Variants in FAM135A observed in about 807,000 individuals in gnomAD.
FAM135A encodes protein FAM135A.
A neutral mutation model predicts 146.8 loss-of-function variants in FAM135A; 79 were observed. The observed-to-expected ratio is 0.54, with a 90% CI of 0.45 to 0.65. The LOEUF (loss-of-function observed/expected upper bound fraction) is 0.65. FAM135A is among the 30% of genes least tolerant of loss of function. The pLI is 0.00. For missense variants in FAM135A, 1,623 were observed against 1,758.2 expected (o/e 0.92, Z 1.38); for synonymous variants, 562 against 603.6 (o/e 0.93, Z 1.01).
rs528550201 is a variant in FAM135A at position 70,434,210 on chromosome 6, C to T, written c.77+5791C>T. Among the ~76,000 whole-genome samples the T allele has an allele frequency of 2.6e-5, 4 of 152,264 alleles. No homozygotes were observed. The South Asian group carries it at 8.3e-4, about 31-fold the overall frequency. The stretch of plus-strand genomic sequence containing the variant: ...CTCCAAAGGAGAAGGAAATATTGCC[C>T]TTTAAATAGACACAGAAACATTGCT... On this transcript the variant is annotated intron_variant, in intron 4 of 21. Coordinates refer to ENST00000418814, the MANE Select transcript of FAM135A (RefSeq NM_001162529.3).
At chr6:70,426,856 G>A (rs907713910) in intron 3 of FAM135A, 2 of 152,336 alleles carry the variant, frequency 1.3e-5, no homozygotes, top group South Asian at 2.1e-4. Context: ...TTTTTTCCTG[G>A]AGGGAGGCTT....
chr6:70,452,741 C>G (rs919937581), intron 5 of FAM135A, among the ~76,000 whole-genome samples, 170 bp downstream of exon 5: 15 of 152,068 alleles, frequency 9.9e-5, no homozygotes, highest in African/African-American at 3.6e-4. Flanking sequence ...ATTACAGATA[C>G]TCTGTCTCCT....
intron 20 of FAM135A, among the ~76,000 whole-genome samples, chr6:70,549,850 G>A (rs1052342183): frequency 2.6e-5 from 4 of 152,106 alleles, no homozygotes; most frequent in African/African-American, 9.7e-5. Flanking sequence ...TTTACCTGTA[G>A]TAGAACTTCT....
At chr6:70,452,392 G>T in intron 4 of FAM135A, 100 bp from the exon 5 acceptor site, 2 of 841,322 alleles carry the variant, frequency 2.4e-6, no homozygotes, top group East Asian at 2.9e-5. Flanking sequence ...ATATAATTAG[G>T]CCAACTTTAT....
At chr6:70,519,327 GT>G in intron 12 of FAM135A, among the ~76,000 whole-genome samples, 1 of 152,298 alleles carries the variant, frequency 6.6e-6, no homozygotes, top group Middle Eastern at 3.4e-3. Flanking sequence ...AGAGAAAGTG[GT>G]TTCTTGAGAT....
intron 4 of FAM135A, among the ~76,000 whole-genome samples, chr6:70,441,196 C>T (rs1223631911): frequency 1.3e-5 from 2 of 152,018 alleles, no homozygotes; most frequent in African/African-American, 4.8e-5. Context: ...GAGTTTGAGA[C>T]CAGCCTGGCC....
chr6:70,537,335 ACT>A (rs1796977751), intron 19 of FAM135A, among the ~76,000 whole-genome samples: 1 of 152,008 alleles, frequency 6.6e-6, no homozygotes, highest in South Asian at 2.1e-4. Context: ...ATTATATTTA[ACT>A]CTGTCTCTTT....
rs767971421 is a variant in FAM135A, at chr6:70,538,370, A to T, written c.4197A>T (p.Gln1399His). 6.6e-7 allele frequency: 1 copy of T among 1,510,150 alleles called. No homozygotes were observed. Among genetic ancestry groups the T allele is most frequent in the Admixed American group, 2.0e-5 (1 of 49,558 alleles). 93.5% of individuals were successfully genotyped at this position (1,510,150 alleles called of 1,614,324 possible). A position where few individuals can be genotyped will look rare whatever the true frequency, so the allele number is the denominator to read the frequency against. ...GTCGAGATCACTCAGACCCTCGCCA[A>T]ACTTTTTTATATAAGCTTAGTAACA... ...LTCRDHSDPRQTFLYKLSNKA... is the reference protein window; with the variant it reads ...LTCRDHSDPRHTFLYKLSNKA... The change falls in exon 20 of 22, where the codon CAA becomes CAT. Residue 1399 changes from glutamine to histidine, a missense_variant. By Grantham distance (24) the Gln-to-His change is conservative (BLOSUM62 0). This residue lies in a region of FAM135A where 138 missense variants were observed against 174.1 expected (regional missense o/e 0.79). Coordinates refer to ENST00000418814, the MANE Select transcript of FAM135A (RefSeq NM_001162529.3).
chr6:70,533,767 T>C lies in FAM135A; in HGVS notation c.3878T>C (p.Phe1293Ser). Reference sequence around the variant, plus strand: ...TTGCTTTCTTTTTAGAATGATACTTTTGCTGATTTTGATAGCATGACTGAT... The same window carrying C: ...TTGCTTTCTTTTTAGAATGATACTTCTGCTGATTTTGATAGCATGACTGAT... The part of the protein sequence containing the change: ...LMSERNQNDT[F>S]ADFDSMTDRL... The change falls in exon 18 of 22, where the codon TTT becomes TCT. Residue 1293 changes from phenylalanine to serine, a missense_variant. This residue lies in a region of FAM135A where 1,061 missense variants were observed against 1,113.8 expected (regional missense o/e 0.95). Coordinates refer to ENST00000418814, the MANE Select transcript of FAM135A (RefSeq NM_001162529.3). The C allele has an allele frequency of 6.3e-7, 1 of 1,581,668 alleles. No homozygotes were observed. Among genetic ancestry groups the C allele is most frequent in the Non-Finnish European group, 8.6e-7 (1 of 1,164,822 alleles).
chr6:70,552,478 T>G (rs1800013108), intron 20 of FAM135A, among the ~76,000 whole-genome samples: 1 of 147,888 alleles, frequency 6.8e-6, no homozygotes, highest in East Asian at 2.0e-4. Flanking sequence ...TTTTTTTTTT[T>G]TTTTTTTTGA....
At chr6:70,483,564 A>T (rs1017462775) in intron 10 of FAM135A, among the ~76,000 whole-genome samples, 3 of 152,186 alleles carry the variant, frequency 2.0e-5, no homozygotes, top group Admixed American at 1.3e-4. Context: ...TTGAAAATGA[A>T]TCATTTACAG....
intron 5 of FAM135A, among the ~76,000 whole-genome samples, chr6:70,453,837 C>G (rs887395144): frequency 5.3e-5 from 8 of 152,084 alleles, no homozygotes; most frequent in Non-Finnish European, 1.2e-4. Flanking sequence ...GGGTTGGTTC[C>G]AAGTCTTTGC....
chr6:70,518,624 CTTGAAG>C (rs1164174718), intron 12 of FAM135A, among the ~76,000 whole-genome samples: 3 of 152,128 alleles, frequency 2.0e-5, no homozygotes, highest in Non-Finnish European at 4.4e-5. Context: ...TAACTGGTGC[CTTGAAG>C]TTGAAGCCAG....
At chr6:70,436,508 C>T (rs1417003254) in intron 4 of FAM135A, among the ~76,000 whole-genome samples, 1 of 151,894 alleles carries the variant, frequency 6.6e-6, no homozygotes, top group African/African-American at 2.4e-5. Context: ...TATAGGGGTA[C>T]ATTTAGTCTG....
At chr6:70,490,908 C>A in intron 10 of FAM135A, 126 bp from the exon 11 acceptor site, 1 of 505,704 alleles carries the variant, frequency 2.0e-6, no homozygotes, top group Non-Finnish European at 3.3e-6. Flanking sequence ...AAATATGTTA[C>A]CTTGAAATTT....
chr6:70,441,001 A>G (rs1194134841), intron 4 of FAM135A, among the ~76,000 whole-genome samples: 2 of 152,224 alleles, frequency 1.3e-5, no homozygotes, highest in Admixed American at 1.3e-4. Context: ...ACTTGTATTC[A>G]GAATATTTTG....
intron 12 of FAM135A, among the ~76,000 whole-genome samples, chr6:70,505,989 T>G (rs1026969450): frequency 5.8e-4 from 88 of 152,196 alleles, no homozygotes; most frequent in African/African-American, 2.0e-3. Flanking sequence ...TGTATTCAAC[T>G]TACTAATGGT....
intron 5 of FAM135A, among the ~76,000 whole-genome samples, chr6:70,457,383 C>T (rs893830058): frequency 1.2e-4 from 18 of 152,308 alleles, no homozygotes; most frequent in East Asian, 9.6e-4. Flanking sequence ...GAAATCATTC[C>T]GCCTTTATTA....
rs1316605804 is a variant in FAM135A, at chr6:70,525,773, G to T, written c.2689G>T (p.Val897Phe). ...AAGTATCACTTTGCAACAGCAGAGTGTTGTATTTTCAGGGAACTTGGACAA... is the reference window on the plus strand; with the variant it reads ...AAGTATCACTTTGCAACAGCAGAGTTTTGTATTTTCAGGGAACTTGGACAA... ...KSSITLQQQS[V>F]VFSGNLDNET... is the part of the protein sequence containing the mutation. Residue 897 changes from valine to phenylalanine, a missense_variant, in exon 15 of 22, where the codon GTT becomes TTT. Coordinates refer to ENST00000418814, the MANE Select transcript of FAM135A (RefSeq NM_001162529.3). 1 of 1,613,360 alleles carries T rather than the reference G, an allele frequency of 6.2e-7. No individual in the cohort carries two copies. The highest frequency in any genetic ancestry group is 8.5e-7 in the Non-Finnish European group (1 of 1,179,614).
Sources: allele counts gnomAD v4.1 joint callset (sites outside exome capture counted in the v4.1 genomes callset), GRCh38; gene constraint gnomAD v4.1.1; regional missense constraint gnomAD v4.1.1; transcripts MANE v1.5; gene names NCBI Gene and HGNC (gene_info 2026-07-23, HGNC 2026-07-21).